The following SF3A3 variants were observed in gnomAD, a reference collection of about 807,000 sequenced individuals.
SF3A3 encodes SAP 61.
In SF3A3, 9 loss-of-function variants were observed where a neutral mutation model predicts 85.8. That is an observed-to-expected ratio of 0.10 (90% CI 0.06 to 0.18). SF3A3 has a LOEUF of 0.18. Ranked by LOEUF, SF3A3 falls within the 10% of genes least tolerant of loss-of-function variation. The probability of loss-of-function intolerance (pLI) is 1.00; values close to 1 mark genes in which losing one functional copy is unlikely to be tolerated. For synonymous variants in SF3A3, 195 were observed against 204.4 expected (o/e 0.95, Z 0.39); for missense variants, 306 against 593.3 (o/e 0.52, Z 5.03).
At chr1:37,971,940 C>T (rs1281970817) in intron 12 of SF3A3, among the ~76,000 whole-genome samples, 1 of 152,166 alleles carries the variant, frequency 6.6e-6, no homozygotes, top group African/African-American at 2.4e-5. Context: ...CCTTTGAAAA[C>T]TGGCACAAGA....
chr1:37,967,960 G>A (rs1570457871), intron 15 of SF3A3, 84 bp downstream of exon 15: 1 of 793,942 alleles, frequency 1.3e-6, no homozygotes, highest in East Asian at 2.5e-5. Flanking sequence ...CTTTAACCCT[G>A]GATACACAGG....
intron 6 of SF3A3, 47 bp downstream of exon 6, chr1:37,984,122 G>T: frequency 1.9e-6 from 2 of 1,039,138 alleles, no homozygotes; most frequent in Non-Finnish European, 3.0e-6. Flanking sequence ...CTACTGTCCT[G>T]ACTCACTTCG....
At chr1:37,959,647 C>T (rs953035206) in intron 16 of SF3A3, among the ~76,000 whole-genome samples, 2 of 152,020 alleles carry the variant, frequency 1.3e-5, no homozygotes, top group East Asian at 1.9e-4. Context: ...GGCACAATCT[C>T]GGCTCATGCA....
intron 6 of SF3A3, 33 bp downstream of exon 6, chr1:37,984,136 A>G (rs1279494309): frequency 1.6e-6 from 2 of 1,245,492 alleles, no homozygotes; most frequent in Non-Finnish European, 2.3e-6. Flanking sequence ...CACTTCGAGA[A>G]TCAGAACCTC....
intron 2 of SF3A3, among the ~76,000 whole-genome samples, chr1:37,988,895 ATT>A (rs1200614023): frequency 0.087 from 12,844 of 146,940 alleles, 604 homozygotes; most frequent in South Asian, 0.13. Flanking sequence ...ATATATATAT[ATT>A]TTTTTTTTCA....
chr1:37,979,334 T>C (rs1048170085), intron 9 of SF3A3, 131 bp downstream of exon 9: 3 of 739,624 alleles, frequency 4.1e-6, no homozygotes, highest in African/African-American at 3.5e-5. Context: ...CTTGCTACTT[T>C]CTTTGTAGAT....
intron 14 of SF3A3, 99 bp downstream of exon 14, chr1:37,969,255 C>A: frequency 2.4e-6 from 2 of 849,066 alleles, no homozygotes; most frequent in South Asian, 1.4e-5. Context: ...CCCTTCAGCT[C>A]TGGACACCAG....
Position 37,978,819 on chromosome 1 carries a change from T to G in SF3A3, c.836A>C (p.Glu279Ala). ...ALGLKCGGTL[E>A]ERAQRLFSTK... ...ACTGAATAGTCTCTGGGCTCGCTCT[T>G]CTAGGGTCCTAAGGAGACAGGACGG... Residue 279 changes from glutamate to alanine, a missense_variant, in exon 11 of 17, where the codon GAA becomes GCA. Transcript: ENST00000373019. The G allele has an allele frequency of 6.4e-7, 1 of 1,574,320 alleles. No homozygotes were observed. Among genetic ancestry groups the G allele is most frequent in the Non-Finnish European group, 8.6e-7 (1 of 1,157,950 alleles).
chr1:37,986,811 CAAAAA>C (rs1186890843), intron 4 of SF3A3, among the ~76,000 whole-genome samples: 1 of 62,260 alleles, frequency 1.6e-5, no homozygotes, highest in Non-Finnish European at 2.7e-5. Context: ...GACTCCATCT[CAAAAA>C]AAAAAAAAAA....
intron 14 of SF3A3, 54 bp downstream of exon 14, chr1:37,969,300 A>G: frequency 8.2e-6 from 11 of 1,341,868 alleles, no homozygotes; most frequent in South Asian, 1.2e-5. Context: ...CTTTTCTCTA[A>G]AAGTCTCATG....
intron 12 of SF3A3, among the ~76,000 whole-genome samples, chr1:37,974,556 C>G (rs1369192440): frequency 6.6e-6 from 1 of 152,126 alleles, no homozygotes; most frequent in Non-Finnish European, 1.5e-5. Context: ...CCCGCCTTGG[C>G]CTCACAAAGG....
chr1:37,973,356 AT>A (rs1646356743), intron 12 of SF3A3, among the ~76,000 whole-genome samples: 1 of 152,234 alleles, frequency 6.6e-6, no homozygotes, highest in African/African-American at 2.4e-5. Context: ...ATCGGATGTA[AT>A]TACACTAAAG....
intron 12 of SF3A3, among the ~76,000 whole-genome samples, chr1:37,971,963 T>G (rs1206897903): frequency 6.6e-6 from 1 of 152,174 alleles, no homozygotes; most frequent in Non-Finnish European, 1.5e-5. Context: ...GGGATGCCCT[T>G]TCTCACCACT....
At chr1:37,977,943 G>C (rs1646390384) in intron 11 of SF3A3, among the ~76,000 whole-genome samples, 1 of 152,146 alleles carries the variant, frequency 6.6e-6, no homozygotes, top group African/African-American at 2.4e-5. Context: ...CTTGAACCCA[G>C]AAGGCGGAGT....
intron 15 of SF3A3, among the ~76,000 whole-genome samples, chr1:37,961,086 C>A (rs1289068684): frequency 3.3e-5 from 5 of 152,154 alleles, no homozygotes; most frequent in Non-Finnish European, 7.4e-5. Context: ...GAAAACAGAA[C>A]TTGATTCCTG....
At chr1:37,973,185 AAAAAAG>A (rs959531803) in intron 12 of SF3A3, among the ~76,000 whole-genome samples, 9 of 152,146 alleles carry the variant, frequency 5.9e-5, no homozygotes, top group African/African-American at 1.7e-4. Flanking sequence ...TCTCCAACAA[AAAAAAG>A]AAAAAGAAAA....
chr1:37,963,232 T>G lies in SF3A3; in HGVS notation c.1373-3057A>C, dbSNP rs114158575. Among the ~76,000 whole-genome samples the G allele has an allele frequency of 2.3e-3, 346 of 152,224 alleles. 2 individuals carry two copies. The highest frequency in any genetic ancestry group is 3.4e-3 in the Middle Eastern group (1 of 294). Reference sequence around the variant, plus strand: ...CCAGGAATGGTGACATGAGAATCACTTGAGCCCAAGAGGTAGAGGCTGCAG... The same window carrying G: ...CCAGGAATGGTGACATGAGAATCACGTGAGCCCAAGAGGTAGAGGCTGCAG... On this transcript the variant is annotated intron_variant, in intron 15 of 16. Coordinates refer to ENST00000373019, the MANE Select transcript of SF3A3 (RefSeq NM_006802.4).
At chr1:37,984,575 C>A (rs1646442302) in intron 5 of SF3A3, 132 bp downstream of exon 5, 1 of 718,654 alleles carries the variant, frequency 1.4e-6, no homozygotes. Context: ...GTCACTCTAG[C>A]CCAGAAACCA....
intron 6 of SF3A3, among the ~76,000 whole-genome samples, chr1:37,983,067 T>C (rs1371747062): frequency 1.1e-4 from 16 of 151,690 alleles, no homozygotes; most frequent in Admixed American, 9.2e-4. Flanking sequence ...GCCTCCTGAG[T>C]AGCTAGGATT....
Sources: allele counts gnomAD v4.1 joint callset (sites outside exome capture counted in the v4.1 genomes callset), GRCh38; gene constraint gnomAD v4.1.1; transcripts MANE v1.5; gene names NCBI Gene and HGNC (gene_info 2026-07-23, HGNC 2026-07-21).